The following DCLK2 variants were observed in gnomAD, a reference collection of about 807,000 sequenced individuals.
DCLK2 encodes the protein doublecortin like kinase 2.
A neutral mutation model predicts 78.4 loss-of-function variants in DCLK2; 31 were observed. That is an observed-to-expected ratio of 0.40 (90% CI 0.30 to 0.53). The LOEUF is 0.53. Ranked by LOEUF, DCLK2 falls within the 20% of genes least tolerant of loss-of-function variation. DCLK2 has a pLI of 0.61. For synonymous variants in DCLK2, 407 were observed against 374.9 expected (o/e 1.09, Z -0.99); for missense variants, 872 against 973.7 (o/e 0.90, Z 1.39).
At chr4:150,107,181 G>A (rs762090632) in intron 2 of DCLK2, among the ~76,000 whole-genome samples, 1 of 152,142 alleles carries the variant, frequency 6.6e-6, no homozygotes, top group Non-Finnish European at 1.5e-5. Context: ...AGAAATCCTG[G>A]TGTAGAGTAA....
intron 2 of DCLK2, among the ~76,000 whole-genome samples, chr4:150,129,763 T>C (rs1733169907): frequency 1.3e-5 from 2 of 151,556 alleles, no homozygotes; most frequent in South Asian, 2.1e-4. Flanking sequence ...TAATTTAAAA[T>C]ATTATATTAA....
chr4:150,236,559 C>T (rs566350667), intron 10 of DCLK2, among the ~76,000 whole-genome samples: 1 of 152,264 alleles, frequency 6.6e-6, no homozygotes, highest in East Asian at 1.9e-4. Flanking sequence ...TCTGGGGAGA[C>T]CTGAACTCTG....
At chr4:150,251,866 G>T (rs567382510) in intron 15 of DCLK2, among the ~76,000 whole-genome samples, 1 of 151,222 alleles carries the variant, frequency 6.6e-6, no homozygotes, top group Non-Finnish European at 1.5e-5. Context: ...CCCCGGCTGC[G>T]TTTATGTGGC....
At chr4:150,175,192 T>TATATATATTTTTATATATTTATA (rs1560835585) in intron 2 of DCLK2, among the ~76,000 whole-genome samples, 3 of 79,204 alleles carry the variant, frequency 3.8e-5, no homozygotes, top group South Asian at 2.9e-4. Context: ...ATTTATAATT[T>TATATATATTTTTATATATTTATA]ATCTATATAT....
intron 2 of DCLK2, among the ~76,000 whole-genome samples, chr4:150,117,833 T>A (rs1203025477): frequency 6.6e-6 from 1 of 152,212 alleles, no homozygotes; most frequent in Non-Finnish European, 1.5e-5. Context: ...TAAGTTCCTC[T>A]GTTGCTTCTT....
At chr4:150,137,520 C>A (rs560406988) in intron 2 of DCLK2, among the ~76,000 whole-genome samples, 1 of 152,282 alleles carries the variant, frequency 6.6e-6, no homozygotes, top group Non-Finnish European at 1.5e-5. Flanking sequence ...ATAGTGCAAT[C>A]TCTCATAGAA....
At chr4:150,188,745 C>CA (rs994740684) in intron 2 of DCLK2, among the ~76,000 whole-genome samples, 2 of 151,298 alleles carry the variant, frequency 1.3e-5, no homozygotes, top group African/African-American at 2.4e-5. Context: ...ACTAAAAATA[C>CA]AAAAAAATAA....
chr4:150,239,651 T>C, intron 10 of DCLK2, 91 bp from the exon 11 acceptor site: 1 of 1,454,812 alleles, frequency 6.9e-7, no homozygotes, highest in Admixed American at 2.0e-5. Flanking sequence ...ATAGTAAATG[T>C]ATTTGTGTCC....
chr4:150,154,911 A>T (rs1447206002), intron 2 of DCLK2, among the ~76,000 whole-genome samples: 2 of 152,186 alleles, frequency 1.3e-5, no homozygotes, highest in Non-Finnish European at 2.9e-5. Context: ...AGCAATACAC[A>T]ACATGAATGT....
chr4:150,106,343 A>G (rs564633260), intron 2 of DCLK2, among the ~76,000 whole-genome samples: 1 of 152,260 alleles, frequency 6.6e-6, no homozygotes, highest in African/African-American at 2.4e-5. Context: ...TAATAAAAAA[A>G]TTTCTATGGG....
At chr4:150,159,458 A>G (rs72967205) in intron 2 of DCLK2, among the ~76,000 whole-genome samples, 2,258 of 152,308 alleles carry the variant, frequency 0.015, 45 homozygotes, top group African/African-American at 0.048. Context: ...ACCCACTTTG[A>G]AACCTGACAC....
intron 2 of DCLK2, among the ~76,000 whole-genome samples, chr4:150,126,799 T>A (rs1230012156): frequency 6.6e-6 from 1 of 152,198 alleles, no homozygotes; most frequent in Non-Finnish European, 1.5e-5. Context: ...CAGACCTTAT[T>A]TGAATTTTGC....
intron 2 of DCLK2, among the ~76,000 whole-genome samples, chr4:150,137,926 T>C (rs1733812643): frequency 6.6e-6 from 1 of 152,190 alleles, no homozygotes; most frequent in African/African-American, 2.4e-5. Flanking sequence ...CCTTTTCAGC[T>C]ACCATCTAGT....
rs890244395 is a variant in DCLK2 at position 150,184,444 on chromosome 4, G to A, written c.757-8694G>A. Among the ~76,000 whole-genome samples the A allele has an allele frequency of 2.0e-5, 3 of 152,104 alleles. No homozygotes were observed. In the South Asian group the frequency reaches 6.2e-4, roughly 32 times the overall value. ...AAGAAACTAAAATATTTAGACTTTA[G>A]AATCTTAGAGCAGGAAGGGGTCTTA... is the stretch of plus-strand genomic sequence containing the variant. On this transcript the variant is annotated intron_variant, in intron 2 of 15. Coordinates refer to ENST00000296550, the MANE Select transcript of DCLK2 (RefSeq NM_001040260.4).
In DCLK2 at chr4:150,079,124, G is replaced by GGCA. The variant is rs776677076; in HGVS notation, c.106_108dup (p.Ser37dup). 5 of 1,582,754 alleles carry GGCA rather than the reference G, an allele frequency of 3.2e-6. No homozygotes were observed. The highest frequency in any genetic ancestry group is 1.2e-5 in the South Asian group (1 of 85,446). ...GAGAGGGGCCCCCAGCTCCTCCGGG[G>GGCA]GCAGCAGCAGCTCGGGCCCCAAGGG... On this transcript the variant is annotated inframe_insertion, in exon 1 of 16. Transcript: ENST00000296550.
intron 5 of DCLK2, among the ~76,000 whole-genome samples, chr4:150,204,929 G>A (rs1739739183): frequency 1.3e-5 from 2 of 151,950 alleles, no homozygotes; most frequent in Admixed American, 6.6e-5. Context: ...TAGAAACAAA[G>A]GGTTGTCTAC....
At chr4:150,197,843 TC>T (rs1380377854) in intron 3 of DCLK2, among the ~76,000 whole-genome samples, 158 bp from the exon 4 acceptor site, 1 of 151,776 alleles carries the variant, frequency 6.6e-6, no homozygotes, top group East Asian at 1.9e-4. Context: ...GAAGGTAAAC[TC>T]AGGTGTACTT....
intron 2 of DCLK2, among the ~76,000 whole-genome samples, chr4:150,110,612 G>A (rs1011632157): frequency 1.3e-5 from 2 of 152,032 alleles, no homozygotes; most frequent in Admixed American, 1.3e-4. Context: ...CCAATATGTA[G>A]TTTTTTAATC....
chr4:150,160,230 C>G (rs1391011449), intron 2 of DCLK2, among the ~76,000 whole-genome samples: 1 of 152,134 alleles, frequency 6.6e-6, no homozygotes, highest in Non-Finnish European at 1.5e-5. Flanking sequence ...GTTGCCCAGG[C>G]TGGTCTCCAA....
Sources: allele counts gnomAD v4.1 joint callset (sites outside exome capture counted in the v4.1 genomes callset), GRCh38; gene constraint gnomAD v4.1.1; transcripts MANE v1.5; gene names NCBI Gene and HGNC (gene_info 2026-07-23, HGNC 2026-07-21).